The following XPR1 variants were observed in gnomAD, a reference collection of about 807,000 sequenced individuals.
XPR1 encodes the protein xenotropic and polytropic retrovirus receptor 1.
Under a neutral mutation model 87.5 loss-of-function variants are expected in XPR1, and 28 were observed. The ratio of observed to expected loss-of-function variants is 0.32; its 90% CI spans 0.24 to 0.44. XPR1 has a LOEUF of 0.44. Ranked by LOEUF, XPR1 falls within the 20% of genes least tolerant of loss-of-function variation. The probability of loss-of-function intolerance (pLI) is 1.00; values close to 1 mark genes in which losing one functional copy is unlikely to be tolerated. For missense variants in XPR1, 559 were observed against 862.3 expected, an observed-to-expected ratio of 0.65 and a Z score of 4.41; for synonymous variants, 300 against 306.1, an observed-to-expected ratio of 0.98 and a Z score of 0.21.
intron 3 of XPR1, among the ~76,000 whole-genome samples, chr1:180,800,564 A>G (rs1304427554): frequency 6.6e-6 from 1 of 152,262 alleles, no homozygotes; most frequent in Non-Finnish European, 1.5e-5. Context: ...CAGAGAACCT[A>G]GCCACATCAT....
chr1:180,841,171 C>T (rs567124460), intron 11 of XPR1, among the ~76,000 whole-genome samples: 57 of 152,022 alleles, frequency 3.7e-4, no homozygotes, highest in African/African-American at 1.3e-3. Context: ...ACCGAAAGAA[C>T]CCCCAGCACA....
intron 2 of XPR1, among the ~76,000 whole-genome samples, chr1:180,732,739 T>C (rs1658599430): frequency 6.6e-6 from 1 of 152,234 alleles, no homozygotes; most frequent in Admixed American, 6.5e-5. Context: ...TTTTGATGTC[T>C]ATAGGCGGCT....
At chr1:180,632,367 G>T (rs1269918194) in intron 1 of XPR1, 97 bp downstream of exon 1, 38 of 1,472,692 alleles carry the variant, frequency 2.6e-5, no homozygotes, top group Middle Eastern at 1.9e-4. Flanking sequence ...GGCTCCCTGT[G>T]CCCGGGCAGA....
chr1:180,753,727 A>G (rs544493738), intron 2 of XPR1, among the ~76,000 whole-genome samples: 19 of 152,304 alleles, frequency 1.2e-4, no homozygotes, highest in Admixed American at 9.8e-4. Context: ...ATATCTATAT[A>G]GTATATTGTA....
Position 180,789,611 on chromosome 1 carries a change from G to A in XPR1, c.223+1757G>A, listed in dbSNP as rs144694029. 2.9e-3 allele frequency among the ~76,000 whole-genome samples: 438 copies of A among 151,644 alleles called. 3 individuals carry two copies. The highest frequency in any genetic ancestry group is 9.6e-3 in the African/African-American group (396 of 41,340). On this transcript the variant is annotated intron_variant, in intron 3 of 14. Coordinates refer to ENST00000367590, the MANE Select transcript of XPR1 (RefSeq NM_004736.4). ...TTTTTCCTTTTTTTTTGGAGAATGGGGTCTTGCTATGTTGCCCAGGCAGGT... is the reference window on the plus strand; with the variant it reads ...TTTTTCCTTTTTTTTTGGAGAATGGAGTCTTGCTATGTTGCCCAGGCAGGT...
At chr1:180,712,043 C>T (rs1657817753) in intron 2 of XPR1, among the ~76,000 whole-genome samples, 1 of 152,122 alleles carries the variant, frequency 6.6e-6, no homozygotes, top group Non-Finnish European at 1.5e-5. Flanking sequence ...CAGTGGATGC[C>T]TAAAACTGTG....
chr1:180,675,905 C>T (rs887214718), intron 1 of XPR1, among the ~76,000 whole-genome samples: 3 of 152,162 alleles, frequency 2.0e-5, no homozygotes, highest in African/African-American at 7.2e-5. Context: ...TTATCTTACT[C>T]ATGGAGTTCT....
chr1:180,846,177 G>A (rs1158231657), intron 11 of XPR1, among the ~76,000 whole-genome samples: 1 of 150,778 alleles, frequency 6.6e-6, no homozygotes, highest in East Asian at 2.0e-4. Flanking sequence ...CAGGAGAATC[G>A]CTTGAACCCA....
chr1:180,835,411 G>A (rs566871157), intron 10 of XPR1, among the ~76,000 whole-genome samples: 1 of 152,224 alleles, frequency 6.6e-6, no homozygotes, highest in East Asian at 1.9e-4. Context: ...TAATTATTTA[G>A]AAATAGATCA....
At chr1:180,842,109 G>A (rs1265576741) in intron 11 of XPR1, among the ~76,000 whole-genome samples, 5 of 152,144 alleles carry the variant, frequency 3.3e-5, no homozygotes, top group Non-Finnish European at 7.4e-5. Context: ...GATTAATTGG[G>A]TAGATACTTT....
chr1:180,697,215 T>C (rs1657201267), intron 2 of XPR1, among the ~76,000 whole-genome samples: 1 of 152,094 alleles, frequency 6.6e-6, no homozygotes, highest in African/African-American at 2.4e-5. Context: ...GGTAGGTTGT[T>C]CAGGAACTTA....
intron 1 of XPR1, among the ~76,000 whole-genome samples, chr1:180,652,160 C>T (rs1373190391): frequency 2.0e-5 from 3 of 152,046 alleles, no homozygotes; most frequent in Non-Finnish European, 4.4e-5. Flanking sequence ...GGTGTGGTGG[C>T]GGTCACCTGT....
At chr1:180,810,648 G>A (rs772378585) in intron 6 of XPR1, among the ~76,000 whole-genome samples, 4 of 151,846 alleles carry the variant, frequency 2.6e-5, no homozygotes, top group East Asian at 1.9e-4. Context: ...TCTTGTCTCC[G>A]TCATCGTCTC....
chr1:180,738,882 T>G (rs2102020066), intron 2 of XPR1, among the ~76,000 whole-genome samples: 1 of 152,296 alleles, frequency 6.6e-6, no homozygotes, highest in African/African-American at 2.4e-5. Flanking sequence ...CACAAGTTTT[T>G]TTGTTTTGAT....
intron 7 of XPR1, among the ~76,000 whole-genome samples, chr1:180,812,421 C>T (rs1012605495): frequency 1.3e-5 from 2 of 152,154 alleles, no homozygotes; most frequent in African/African-American, 4.8e-5. Flanking sequence ...GTAGATATCT[C>T]AAACTTACAC....
At chr1:180,804,837 C>T (rs886166997) in intron 4 of XPR1, among the ~76,000 whole-genome samples, 1 of 151,954 alleles carries the variant, frequency 6.6e-6, no homozygotes, top group South Asian at 2.1e-4. Flanking sequence ...ATTTGTTCAT[C>T]GCTTTATAAT....
At chr1:180,677,208 CT>C (rs1656396372) in intron 1 of XPR1, among the ~76,000 whole-genome samples, 1 of 152,214 alleles carries the variant, frequency 6.6e-6, no homozygotes, top group African/African-American at 2.4e-5. Flanking sequence ...AACTGTCCAA[CT>C]GGTTCTCCTT....
chr1:180,819,649 A>T (rs1282736030), intron 7 of XPR1, among the ~76,000 whole-genome samples: 1 of 152,204 alleles, frequency 6.6e-6, no homozygotes, highest in Admixed American at 6.5e-5. Context: ...ATGGCCACAG[A>T]TATTAACTAG....
chr1:180,716,198 G>A (rs954789386), intron 2 of XPR1, among the ~76,000 whole-genome samples: 4 of 151,970 alleles, frequency 2.6e-5, no homozygotes, highest in East Asian at 1.9e-4. Flanking sequence ...GTTCAGTGGC[G>A]CTGCCTCGAA....
Sources: allele counts gnomAD v4.1 joint callset (sites outside exome capture counted in the v4.1 genomes callset), GRCh38; gene constraint gnomAD v4.1.1; transcripts MANE v1.5; gene names NCBI Gene and HGNC (gene_info 2026-07-23, HGNC 2026-07-21).